Variants in GREB1L observed in about 807,000 individuals in gnomAD.
GREB1L encodes the protein GREB1-like protein.
In GREB1L, 17 loss-of-function variants were observed where a neutral mutation model predicts 200.8. The observed-to-expected ratio is 0.08, with a 90% CI of 0.06 to 0.13. The LOEUF is 0.13. GREB1L is among the 10% of genes least tolerant of loss of function. The pLI is 1.00. For missense variants in GREB1L, 1,657 were observed against 2,367.7 expected (o/e 0.70, Z 6.23); for synonymous variants, 789 against 893.0 (o/e 0.88, Z 2.08).
chr18:21,267,572 G>A (rs2037992257), intron 1 of GREB1L, among the ~76,000 whole-genome samples: 1 of 152,220 alleles, frequency 6.6e-6, no homozygotes, highest in African/African-American at 2.4e-5. Context: ...TGTCTTCATT[G>A]TTTTTGCTTT....
chr18:21,459,608 C>G (rs1184160459), intron 15 of GREB1L, among the ~76,000 whole-genome samples: 2 of 151,996 alleles, frequency 1.3e-5, no homozygotes, highest in Non-Finnish European at 2.9e-5. Flanking sequence ...TTTCTAAAAA[C>G]AGATTTTCTT....
At position 21,401,223 on chromosome 18, in the gene GREB1L, C is replaced by T. The variant is rs1449474029; in HGVS notation, c.606C>T (p.Asn202=). 7.1e-6 allele frequency: 11 copies of T among 1,551,548 alleles called. No individual in the cohort carries two copies. Among genetic ancestry groups the T allele is most frequent in the Non-Finnish European group, 9.6e-6 (11 of 1,146,862 alleles). The stretch of plus-strand genomic sequence containing the variant: ...TCACGGAATTTTCCAACCACATTAA[C>T]TTGAAGCTCACCACTCAGCCAAAGA... The part of the protein sequence containing the change: ...RYFTEFSNHI[N]LKLTTQPKKQ... The change falls in exon 6 of 33, where the codon AAC becomes AAT. Residue 202 remains asparagine (N), a synonymous_variant. Transcript: ENST00000424526.
At chr18:21,429,303 C>T in intron 7 of GREB1L, among the ~76,000 whole-genome samples, 1 of 129,864 alleles carries the variant, frequency 7.7e-6, no homozygotes, top group Admixed American at 7.9e-5. Flanking sequence ...CTCTCCTCTC[C>T]TCTCCTCTCC....
intron 1 of GREB1L, among the ~76,000 whole-genome samples, chr18:21,355,982 C>CTTTTTTTTT (rs869238658): frequency 3.7e-5 from 4 of 109,186 alleles, no homozygotes; most frequent in East Asian, 2.5e-4. Context: ...AATTAGGCTT[C>CTTTTTTTTT]TTTTTTTTTT....
At chr18:21,315,993 C>T (rs1437256662) in intron 1 of GREB1L, among the ~76,000 whole-genome samples, 1 of 152,166 alleles carries the variant, frequency 6.6e-6, no homozygotes, top group Non-Finnish European at 1.5e-5. Context: ...AGTCTGCCCT[C>T]GGGGATAGGC....
At chr18:21,440,544 C>T (rs1382668832) in intron 9 of GREB1L, among the ~76,000 whole-genome samples, 156 bp downstream of exon 9, 8 of 152,202 alleles carry the variant, frequency 5.3e-5, no homozygotes, top group Admixed American at 5.2e-4. Flanking sequence ...TCCCTACATG[C>T]ACAAGATCAT....
At chr18:21,445,037 A>G (rs183068389) in intron 11 of GREB1L, among the ~76,000 whole-genome samples, 4 of 152,346 alleles carry the variant, frequency 2.6e-5, no homozygotes, top group East Asian at 1.9e-4. Context: ...CGAAGCCCCA[A>G]AGTGGGTGTA....
chr18:21,467,755 T>TG (rs2035313192), intron 15 of GREB1L, among the ~76,000 whole-genome samples: 3 of 152,194 alleles, frequency 2.0e-5, no homozygotes, highest in African/African-American at 2.4e-5. Context: ...CCGGGCGCAG[T>TG]GGCTCACACC....
chr18:21,415,638 A>G (rs575849718), intron 7 of GREB1L, among the ~76,000 whole-genome samples: 61 of 152,252 alleles, frequency 4.0e-4, no homozygotes, highest in Admixed American at 2.9e-3. Context: ...GGGTTAGAGG[A>G]AACTGCCCAG....
chr18:21,370,935 A>G (rs2039848628), intron 2 of GREB1L, among the ~76,000 whole-genome samples: 1 of 151,872 alleles, frequency 6.6e-6, no homozygotes, highest in South Asian at 2.1e-4. Context: ...CAGAAAATAG[A>G]CGGGCAGGTG....
chr18:21,337,944 A>G (rs1315741199), intron 1 of GREB1L, among the ~76,000 whole-genome samples: 2 of 152,044 alleles, frequency 1.3e-5, no homozygotes, highest in African/African-American at 4.8e-5. Context: ...CCGAGATCGC[A>G]CCACTGCACT....
intron 7 of GREB1L, among the ~76,000 whole-genome samples, chr18:21,408,135 C>A (rs560509043): frequency 3.2e-4 from 46 of 144,306 alleles, no homozygotes; most frequent in African/African-American, 1.0e-3. Flanking sequence ...AATACACACA[C>A]AAAAAAAGAT....
intron 31 of GREB1L, among the ~76,000 whole-genome samples, chr18:21,518,735 T>C (rs1415052787): frequency 1.3e-5 from 2 of 152,238 alleles, no homozygotes; most frequent in Non-Finnish European, 2.9e-5. Flanking sequence ...CTGAAGCCTT[T>C]AGAGGTGGCA....
At chr18:21,264,928 A>T (rs1440386000) in intron 1 of GREB1L, among the ~76,000 whole-genome samples, 1 of 152,200 alleles carries the variant, frequency 6.6e-6, no homozygotes, top group Non-Finnish European at 1.5e-5. Flanking sequence ...GACTGTATTT[A>T]GGCCTCAAAT....
chr18:21,519,651 G>A (rs2037543736), intron 31 of GREB1L, among the ~76,000 whole-genome samples: 1 of 152,130 alleles, frequency 6.6e-6, no homozygotes, highest in Non-Finnish European at 1.5e-5. Flanking sequence ...TGAATACTAA[G>A]TTATTTAATT....
intron 1 of GREB1L, among the ~76,000 whole-genome samples, chr18:21,310,279 A>G (rs76565166): frequency 0.012 from 1,799 of 152,264 alleles, 40 homozygotes; most frequent in African/African-American, 0.041. Context: ...AGGTAAGTGT[A>G]TCTTCAAGAA....
intron 7 of GREB1L, among the ~76,000 whole-genome samples, chr18:21,423,230 A>T (rs74619808): frequency 0.012 from 1,812 of 152,262 alleles, 37 homozygotes; most frequent in African/African-American, 0.041. Flanking sequence ...GCCTGGCCCA[A>T]AATCTGTTTT....
chr18:21,327,383 C>T (rs1453880713), intron 1 of GREB1L, among the ~76,000 whole-genome samples: 2 of 152,134 alleles, frequency 1.3e-5, no homozygotes, highest in African/African-American at 2.4e-5. Context: ...TAAACCCTGT[C>T]GACTCAGCAT....
chr18:21,325,155 G>A (rs891547776), intron 1 of GREB1L, among the ~76,000 whole-genome samples: 4 of 152,146 alleles, frequency 2.6e-5, no homozygotes, highest in Non-Finnish European at 5.9e-5. Context: ...AGTCTCTTTG[G>A]TAGAGAAATC....
Sources: allele counts gnomAD v4.1 joint callset (sites outside exome capture counted in the v4.1 genomes callset), GRCh38; gene constraint gnomAD v4.1.1; transcripts MANE v1.5; gene names NCBI Gene and HGNC (gene_info 2026-07-23, HGNC 2026-07-21).